SUSD1: variants seen among roughly 807,000 people sequenced by gnomAD.
SUSD1 encodes the protein sushi domain-containing protein 1.
In SUSD1, 65 loss-of-function variants were observed where a neutral mutation model predicts 86.9. The observed-to-expected ratio is 0.75, with a 90% CI of 0.61 to 0.92. SUSD1 has a LOEUF of 0.92. Ranked by LOEUF, SUSD1 falls within the 40% of genes least tolerant of loss-of-function variation. SUSD1 has a pLI of 0.00. For missense variants in SUSD1, 850 were observed against 929.7 expected (o/e 0.91, Z 1.11); for synonymous variants, 346 against 350.0 (o/e 0.99, Z 0.13).
intron 1 of SUSD1, among the ~76,000 whole-genome samples, chr9:112,159,911 T>A (rs1833493382): frequency 6.6e-6 from 1 of 152,144 alleles, no homozygotes. Flanking sequence ...ATTTTTGAGT[T>A]ATCTCTTATT....
intron 3 of SUSD1, among the ~76,000 whole-genome samples, chr9:112,145,148 C>T (rs1377092749): frequency 6.6e-6 from 1 of 151,938 alleles, no homozygotes; most frequent in Non-Finnish European, 1.5e-5. Flanking sequence ...CAAAAAAGCA[C>T]CCTAACTGAA....
intron 10 of SUSD1, among the ~76,000 whole-genome samples, chr9:112,092,549 G>A (rs547369433): frequency 1.4e-4 from 22 of 152,204 alleles, no homozygotes; most frequent in African/African-American, 5.3e-4. Context: ...CAAGTAAATA[G>A]GTTATAAGGG....
intron 8 of SUSD1, among the ~76,000 whole-genome samples, chr9:112,104,063 A>T (rs1010609431): frequency 4.0e-5 from 6 of 151,728 alleles, no homozygotes; most frequent in Admixed American, 3.9e-4. Context: ...TTTTTTAAAC[A>T]GGGTCTCACT....
intron 10 of SUSD1, among the ~76,000 whole-genome samples, chr9:112,087,290 T>A (rs1235109547): frequency 1.3e-5 from 2 of 152,206 alleles, no homozygotes; most frequent in East Asian, 3.8e-4. Context: ...CAAGTGACTC[T>A]TCTGCCTCAG....
chr9:112,134,765 AT>A lies in SUSD1; in HGVS notation c.706+7554del, dbSNP rs201191501. On this transcript the variant is annotated intron_variant, in intron 5 of 16. Coordinates refer to ENST00000374270, the MANE Select transcript of SUSD1 (RefSeq NM_022486.5). ...TGAATCTAAAATAAAAGTTGAAATT[AT>A]TTAAAAAAAAAAAAAATGTGGCCAG... 6.3e-3 allele frequency among the ~76,000 whole-genome samples: 937 copies of A among 147,850 alleles called. 12 individuals are homozygous for A. The highest frequency in any genetic ancestry group is 0.022 in the African/African-American group (885 of 40,032).
chr9:112,106,326 C>T (rs1830839247), intron 8 of SUSD1, among the ~76,000 whole-genome samples: 1 of 152,104 alleles, frequency 6.6e-6, no homozygotes, highest in Non-Finnish European at 1.5e-5. Context: ...TTCAAAGCTT[C>T]CAGTTCCCAA....
At chr9:112,075,674 G>A (rs993196117) in intron 12 of SUSD1, among the ~76,000 whole-genome samples, 1 of 152,196 alleles carries the variant, frequency 6.6e-6, no homozygotes, top group Non-Finnish European at 1.5e-5. Flanking sequence ...CAGCCCAGGG[G>A]CTCAAGGCTG....
At chr9:112,052,206 T>G (rs1828243882) in intron 15 of SUSD1, 193 bp downstream of exon 15, 12 of 1,520,654 alleles carry the variant, frequency 7.9e-6, no homozygotes, top group Non-Finnish European at 9.7e-6. Context: ...GGGGTAGCTC[T>G]TTGTATAATT....
At chr9:112,095,731 G>T (rs1830366320) in intron 10 of SUSD1, among the ~76,000 whole-genome samples, 1 of 152,204 alleles carries the variant, frequency 6.6e-6, no homozygotes, top group Non-Finnish European at 1.5e-5. Flanking sequence ...TCTGGGTTTA[G>T]AGAAATTCAG....
chr9:112,140,938 G>T (rs1208562516), intron 5 of SUSD1, among the ~76,000 whole-genome samples: 1 of 152,120 alleles, frequency 6.6e-6, no homozygotes, highest in African/African-American at 2.4e-5. Flanking sequence ...ACAATAAGAA[G>T]TACTTATATA....
At chr9:112,132,477 A>T (rs1228837787) in intron 5 of SUSD1, among the ~76,000 whole-genome samples, 2 of 152,234 alleles carry the variant, frequency 1.3e-5, no homozygotes, top group Admixed American at 1.3e-4. Context: ...ATCTTTACCC[A>T]ACAATAACAG....
chr9:112,073,536 C>T (rs1465498065), intron 12 of SUSD1, among the ~76,000 whole-genome samples: 4 of 112,462 alleles, frequency 3.6e-5, no homozygotes, highest in African/African-American at 1.4e-4. Context: ...TCTCTGGTTT[C>T]CTCTTTCTCT....
At chr9:112,042,919 C>A (rs1827803329) in intron 15 of SUSD1, among the ~76,000 whole-genome samples, 1 of 152,152 alleles carries the variant, frequency 6.6e-6, no homozygotes, top group South Asian at 2.1e-4. Flanking sequence ...AACAGCCCTG[C>A]AGAACTTGAA....
chr9:112,092,436 C>T (rs1232591053), intron 10 of SUSD1, among the ~76,000 whole-genome samples: 1 of 152,198 alleles, frequency 6.6e-6, no homozygotes, highest in Non-Finnish European at 1.5e-5. Flanking sequence ...AAGAATTGTG[C>T]TTCTGAAAAA....
rs1049165584 is a variant in SUSD1, at chr9:112,108,934, A to T, written c.1171+2720T>A. On this transcript the variant is annotated intron_variant, in intron 8 of 16. Transcript: ENST00000374270. The stretch of plus-strand genomic sequence containing the variant: ...AGAGTTCATCCCTCGGGGAAAAAAA[A>T]TAGTAATAAAACACGCAACCCAAAC... 2.0e-5 allele frequency among the ~76,000 whole-genome samples: 3 copies of T among 152,112 alleles called. 1 individual carries two copies. Among genetic ancestry groups the T allele is most frequent in the Admixed American group, 1.3e-4 (2 of 15,268 alleles).
At chr9:112,118,517 C>A (rs569405433) in intron 6 of SUSD1, among the ~76,000 whole-genome samples, 3 of 152,180 alleles carry the variant, frequency 2.0e-5, no homozygotes, top group South Asian at 2.1e-4. Context: ...CGGAGTCTTG[C>A]GCTGTAGCCC....
chr9:112,111,840 T>C lies in SUSD1; in HGVS notation c.985A>G (p.Ile329Val), dbSNP rs768855472. 1.2e-6 allele frequency: 2 copies of C among 1,613,586 alleles called. No individual in the cohort carries two copies. Among genetic ancestry groups the C allele is most frequent in the African/African-American group, 1.3e-5 (1 of 75,004 alleles). ...TCCAACCGTTGTCCTTTTATGGATA[T>C]CTTTGAGAGGAAAAGACAAGAGAAC... is the stretch of plus-strand genomic sequence containing the variant. ...RRINPKISYV[I>V]SIKGQRLDPM... Residue 329 changes from isoleucine to valine, a missense_variant and splice_region_variant, in exon 8 of 17, where the codon ATA becomes GTA. Physicochemically the swap from Ile to Val is conservative, Grantham distance 29. Coordinates refer to ENST00000374270, the MANE Select transcript of SUSD1 (RefSeq NM_022486.5).
Position 112,124,389 on chromosome 9 carries a change from C to T in SUSD1, c.754G>A (p.Gly252Arg), listed in dbSNP as rs141167817. Reference sequence around the variant, plus strand: ...CCGCCCAGCCTGGAGCTGTGATTTCCTACCAAGATGGCGTGCCGCATTTCT... The same window carrying T: ...CCGCCCAGCCTGGAGCTGTGATTTCTTACCAAGATGGCGTGCCGCATTTCT... ...PPEMRHAILV[G>R]NHSSRLGGVA... Residue 252 changes from glycine to arginine, a missense_variant, in exon 6 of 17, where the codon GGA (glycine) becomes AGA (arginine). Transcript: ENST00000374270. 1.2e-5 allele frequency: 20 copies of T among 1,614,042 alleles called. No individual in the cohort carries two copies. The African/African-American group carries it at 2.3e-4, about 18-fold the overall frequency.
At chr9:112,071,200 C>T (rs1341429714) in intron 12 of SUSD1, among the ~76,000 whole-genome samples, 1 of 152,154 alleles carries the variant, frequency 6.6e-6, no homozygotes, top group South Asian at 2.1e-4. Flanking sequence ...GTGGCTCCCA[C>T]CTATAATCCT....
Sources: gnomAD v4.1 joint callset for allele counts (sites outside exome capture counted in the v4.1 genomes callset) on GRCh38, gnomAD v4.1.1 for gene constraint, MANE v1.5 for transcripts, NCBI Gene and HGNC (gene_info 2026-07-23, HGNC 2026-07-21) for gene names.